Variants in POLI observed in about 807,000 individuals in gnomAD.
POLI encodes RAD30 homolog B.
A neutral mutation model predicts 51.6 loss-of-function variants in POLI; 58 were observed. The observed-to-expected ratio is 1.12, with a 90% CI of 0.91 to 1.40. The LOEUF (loss-of-function observed/expected upper bound fraction) is 1.40. Among genes scored for constraint, POLI ranks in the 40% most tolerant of loss-of-function variants. The probability of loss-of-function intolerance (pLI) is 0.00; values close to 1 mark genes in which losing one functional copy is unlikely to be tolerated. For missense variants in POLI, 921 were observed against 871.3 expected, an observed-to-expected ratio of 1.06 and a Z score of -0.72; for synonymous variants, 322 against 299.7, an observed-to-expected ratio of 1.07 and a Z score of -0.77.
intron 8 of POLI, among the ~76,000 whole-genome samples, chr18:54,289,474 A>T (rs1368996257): frequency 3.3e-5 from 5 of 152,102 alleles, no homozygotes; most frequent in Admixed American, 3.3e-4. Flanking sequence ...TTGGAAAAAA[A>T]TACTTTAAAT....
Position 54,296,091 on chromosome 18 carries a change from CAT to C in POLI, c.*1626_*1627del, listed in dbSNP as rs2088313243. The C allele has an allele frequency of 2.0e-6, 2 of 984,000 alleles. No homozygotes were observed. The highest frequency in any genetic ancestry group is 1.2e-4 in the Admixed American group (2 of 16,254). 61.0% of individuals were successfully genotyped at this position (984,000 alleles called of 1,614,324 possible). ...ATATTTAGTACTCTGAATCAAGGAA[CAT>C]AGTATTTTTTACATGAGTATTCCAG... On this transcript the variant is annotated 3_prime_UTR_variant, in exon 10 of 10. Transcript: ENST00000579534.
intron 3 of POLI, among the ~76,000 whole-genome samples, chr18:54,275,603 C>T (rs2087205135): frequency 6.6e-6 from 1 of 152,142 alleles, no homozygotes. Flanking sequence ...AAATTATGGC[C>T]TAAATGCCTC....
At chr18:54,284,171 G>C in intron 7 of POLI, 158 bp downstream of exon 7, 1 of 473,760 alleles carries the variant, frequency 2.1e-6, no homozygotes, top group Non-Finnish European at 3.8e-6. Flanking sequence ...TTTATAAACT[G>C]TTGTAAAGAT....
chr18:54,313,031 C>G (rs1000449654), intron 3 of POLI, among the ~76,000 whole-genome samples: 5 of 152,120 alleles, frequency 3.3e-5, no homozygotes, highest in African/African-American at 1.2e-4. Context: ...TTGCCAATGC[C>G]AATATCGAGA....
chr18:54,280,550 G>T (rs1284148934), intron 4 of POLI, 117 bp from the exon 5 acceptor site: 4 of 657,008 alleles, frequency 6.1e-6, no homozygotes, highest in Non-Finnish European at 1.1e-5. Context: ...TGATGGTGGT[G>T]GTTGTGGTGG....
intron 3 of POLI, among the ~76,000 whole-genome samples, chr18:54,316,039 C>T (rs1342161244): frequency 1.3e-5 from 2 of 152,054 alleles, no homozygotes; most frequent in African/African-American, 4.8e-5. Flanking sequence ...CCTCAGCCTC[C>T]TGAGTAGCTG....
chr18:54,283,824 G>C (rs1397656060), intron 6 of POLI, 98 bp from the exon 7 acceptor site: 1 of 525,484 alleles, frequency 1.9e-6, no homozygotes. Context: ...AGGTAAGTTA[G>C]TGAAGAATGT....
At chr18:54,298,559 C>T (rs562503798), downstream of POLI, among the ~76,000 whole-genome samples, 14 of 149,848 alleles carry the variant, frequency 9.3e-5, no homozygotes, top group East Asian at 7.8e-4. Context: ...GAACCCTGAA[C>T]GAAGACCAGA....
At chr18:54,298,878 C>A (rs1350415731), downstream of POLI, among the ~76,000 whole-genome samples, 2 of 151,944 alleles carry the variant, frequency 1.3e-5, no homozygotes, top group South Asian at 2.1e-4. Context: ...GAGTCACCAC[C>A]CCTGGCCCTA....
chr18:54,309,817 A>G, intron 3 of POLI, among the ~76,000 whole-genome samples: 1 of 152,102 alleles, frequency 6.6e-6, no homozygotes. Context: ...GAGGCATGCC[A>G]AGCCACCTCG....
chr18:54,300,029 C>T (rs1227187483), downstream of POLI, among the ~76,000 whole-genome samples: 2 of 151,428 alleles, frequency 1.3e-5, no homozygotes, highest in Non-Finnish European at 2.9e-5. Context: ...GAACATAAGG[C>T]ATACATATGA....
chr18:54,276,769 CA>C (rs1802554216), intron 3 of POLI, among the ~76,000 whole-genome samples: 1 of 152,150 alleles, frequency 6.6e-6, no homozygotes, highest in Non-Finnish European at 1.5e-5. Flanking sequence ...CTCACATTGT[CA>C]ATGTTGACAT....
chr18:54,279,209 G>C (rs1006770360), intron 4 of POLI, among the ~76,000 whole-genome samples: 1 of 148,050 alleles, frequency 6.8e-6, no homozygotes, highest in African/African-American at 2.5e-5. Flanking sequence ...AAAGTTGACA[G>C]AATAGTACAA....
At chr18:54,280,626 G>A (rs1195634118) in intron 4 of POLI, 41 bp from the exon 5 acceptor site, 2 of 1,351,848 alleles carry the variant, frequency 1.5e-6, no homozygotes, top group Admixed American at 1.8e-5. Context: ...AAAGAAAAAG[G>A]TTTTTCTTGT....
intron 8 of POLI, among the ~76,000 whole-genome samples, chr18:54,290,938 G>T (rs2087981803): frequency 6.6e-6 from 1 of 152,060 alleles, no homozygotes; most frequent in Admixed American, 6.5e-5. Flanking sequence ...TAACAAATCT[G>T]CACATTGTGC....
In POLI at chr18:54,273,927, G is replaced by A. The variant is rs1478362920; in HGVS notation, c.243G>A (p.Gly81=). ...SNPELKDKPL[G]VQQKYLVVTC... is the part of the protein sequence containing the mutation. ...TTTCTCATAAAATATTTTTTACAGG[G>A]GTTCAACAGAAATATTTGGTGGTTA... Residue 81 remains glycine, a splice_region_variant and synonymous_variant, in exon 3 of 10, where the codon GGG becomes GGA. Transcript: ENST00000579534. 2.7e-6 allele frequency: 4 copies of A among 1,508,072 alleles called. No homozygotes were observed. Among genetic ancestry groups the A allele is most frequent in the Non-Finnish European group, 3.6e-6 (4 of 1,125,384 alleles). 93.4% of individuals were successfully genotyped at this position (1,508,072 alleles called of 1,614,324 possible). A position where few individuals can be genotyped will look rare whatever the true frequency, so the allele number is the denominator to read the frequency against.
rs3730671 is a variant in POLI at position 54,269,886 on chromosome 18, G to C, written c.115+225G>C. 9.4e-4 allele frequency: 1,195 copies of C among 1,267,310 alleles called. 17 individuals are homozygous for C. In the African/African-American group the frequency reaches 0.017, roughly 18 times the overall value. 78.5% of individuals were successfully genotyped at this position (1,267,310 alleles called of 1,614,324 possible). On this transcript the variant is annotated intron_variant, in intron 1 of 9. Transcript: ENST00000579534. ...TGGGGCGCGTCCACACTACAAATAC[G>C]TGTCGAGGGTTTATCTGCGCCGTCC... is the stretch of plus-strand genomic sequence containing the variant.
chr18:54,301,428 A>C (rs1417794339), downstream of POLI, among the ~76,000 whole-genome samples: 3 of 152,244 alleles, frequency 2.0e-5, no homozygotes, highest in African/African-American at 7.2e-5. Flanking sequence ...GTTAAAGTGC[A>C]CACAGAATAC....
chr18:54,269,961 C>G (rs1221351107), intron 1 of POLI: 1 of 1,152,314 alleles, frequency 8.7e-7, no homozygotes, highest in Admixed American at 4.8e-5. Context: ...GCCAGCCCGA[C>G]GAAAACTGCA....
Sources: allele counts gnomAD v4.1 joint callset (sites outside exome capture counted in the v4.1 genomes callset), GRCh38; gene constraint gnomAD v4.1.1; transcripts MANE v1.5; gene names NCBI Gene and HGNC (gene_info 2026-07-23, HGNC 2026-07-21).